CDH8: variants seen among roughly 807,000 people sequenced by gnomAD.
CDH8 encodes the protein cadherin-8.
A neutral mutation model predicts 68.1 loss-of-function variants in CDH8; 17 were observed. That is an observed-to-expected ratio of 0.25 (90% confidence interval 0.17 to 0.37). The LOEUF is 0.37. Among genes scored for constraint, CDH8 ranks in the 10% least tolerant of loss-of-function variants. CDH8 has a pLI of 1.00. For missense variants in CDH8, 763 were observed against 999.3 expected (o/e 0.76, Z 3.19); for synonymous variants, 372 against 365.1 (o/e 1.02, Z -0.21).
At chr16:61,657,877 C>T (rs953612491) in intron 10 of CDH8, among the ~76,000 whole-genome samples, 9 of 152,046 alleles carry the variant, frequency 5.9e-5, no homozygotes, top group Non-Finnish European at 1.0e-4. Context: ...ATCTTCTTTA[C>T]TACTGAGAAA....
intron 10 of CDH8, among the ~76,000 whole-genome samples, chr16:61,689,424 C>G (rs548494599): frequency 6.6e-6 from 1 of 151,882 alleles, no homozygotes; most frequent in Non-Finnish European, 1.5e-5. Context: ...AAACTCTACC[C>G]CAAACCCAAC....
At chr16:61,744,148 G>A (rs1015614624) in intron 8 of CDH8, among the ~76,000 whole-genome samples, 1 of 152,018 alleles carries the variant, frequency 6.6e-6, no homozygotes, top group African/African-American at 2.4e-5. Context: ...ACCTTTCAAT[G>A]AAATAAGCTT....
intron 3 of CDH8, among the ~76,000 whole-genome samples, chr16:61,863,952 T>C (rs1963203518): frequency 6.6e-6 from 1 of 152,284 alleles, no homozygotes. Flanking sequence ...TTTATTTTAA[T>C]AAAACTGAGC....
At chr16:61,941,968 C>G (rs1964732455) in intron 2 of CDH8, among the ~76,000 whole-genome samples, 1 of 152,116 alleles carries the variant, frequency 6.6e-6, no homozygotes, top group African/African-American at 2.4e-5. Context: ...ATGGCCATAC[C>G]ATCTACCCAA....
chr16:61,896,695 C>T (rs1963873985), intron 3 of CDH8, among the ~76,000 whole-genome samples: 4 of 152,162 alleles, frequency 2.6e-5, no homozygotes, highest in Admixed American at 2.6e-4. Flanking sequence ...TGTAGTCACA[C>T]AGACACCAGA....
At chr16:61,838,107 C>T (rs1396192407) in intron 4 of CDH8, among the ~76,000 whole-genome samples, 2 of 151,950 alleles carry the variant, frequency 1.3e-5, no homozygotes, top group African/African-American at 4.8e-5. Flanking sequence ...GATTAAGTGG[C>T]TTGTGCTTTT....
chr16:61,886,285 C>G (rs1457801668), intron 3 of CDH8, among the ~76,000 whole-genome samples: 3 of 151,898 alleles, frequency 2.0e-5, no homozygotes. Flanking sequence ...TTTTTAAGGC[C>G]CATATAATAA....
chr16:61,772,524 T>C (rs1960803203), intron 8 of CDH8, among the ~76,000 whole-genome samples: 1 of 151,936 alleles, frequency 6.6e-6, no homozygotes, highest in African/African-American at 2.4e-5. Context: ...ACAGAAAGGG[T>C]TAAAAACCGG....
At chr16:61,792,583 T>C (rs1028852142) in intron 7 of CDH8, among the ~76,000 whole-genome samples, 2 of 152,010 alleles carry the variant, frequency 1.3e-5, no homozygotes, top group African/African-American at 4.8e-5. Flanking sequence ...TGGTTTCTTA[T>C]ATAATGAATA....
chr16:61,717,270 A>G (rs1596894875), intron 9 of CDH8, among the ~76,000 whole-genome samples: 1 of 151,690 alleles, frequency 6.6e-6, no homozygotes, highest in East Asian at 1.9e-4. Context: ...TCTTTATTAG[A>G]GAAAACAAAG....
At chr16:61,868,558 C>T (rs759088097) in intron 3 of CDH8, among the ~76,000 whole-genome samples, 5 of 152,212 alleles carry the variant, frequency 3.3e-5, no homozygotes, top group East Asian at 3.9e-4. Context: ...TAGCTTCAAA[C>T]GGAGGCTAGT....
At chr16:61,862,664 T>C (rs575846299) in intron 3 of CDH8, among the ~76,000 whole-genome samples, 2 of 152,258 alleles carry the variant, frequency 1.3e-5, no homozygotes, top group East Asian at 1.9e-4. Flanking sequence ...TGTCAAGTGA[T>C]TGCCCATGGG....
Position 61,959,982 on chromosome 16 carries a change from G to GTATA in CDH8, c.253-58510_253-58509insTATA, listed in dbSNP as rs1434686241. 1.7e-3 allele frequency among the ~76,000 whole-genome samples: 53 copies of GTATA among 31,046 alleles called. 1 individual carries two copies. The highest frequency in any genetic ancestry group is 4.1e-3 in the African/African-American group (42 of 10,304). The allele number at this position is 31,046 out of a possible 152,430, so 20.4% of individuals were successfully genotyped here. ...CTGTATGTGGTGTATGTGTGTGTGT[G>GTATA]TGTATATATATATATATATATATAT... On this transcript the variant is annotated intron_variant, in intron 2 of 11. Coordinates refer to ENST00000577390, the MANE Select transcript of CDH8 (RefSeq NM_001796.5).
intron 2 of CDH8, among the ~76,000 whole-genome samples, chr16:61,938,861 G>T (rs1477791509): frequency 6.6e-6 from 1 of 152,194 alleles, no homozygotes; most frequent in Non-Finnish European, 1.5e-5. Flanking sequence ...AATTAACACA[G>T]TTCTCCATAA....
chr16:61,821,155 A>G (rs754549897), intron 5 of CDH8, 42 bp from the exon 6 acceptor site: 10 of 1,501,488 alleles, frequency 6.7e-6, no homozygotes, highest in South Asian at 1.2e-5. Flanking sequence ...ACAAATTCCA[A>G]CCATTCATTC....
chr16:61,794,725 G>C (rs997821511), intron 7 of CDH8, among the ~76,000 whole-genome samples: 1 of 151,954 alleles, frequency 6.6e-6, no homozygotes, highest in African/African-American at 2.4e-5. Context: ...AATAGGAACC[G>C]ATCTCTGCAT....
At chr16:61,997,267 A>G (rs1423330524) in intron 2 of CDH8, among the ~76,000 whole-genome samples, 3 of 152,142 alleles carry the variant, frequency 2.0e-5, no homozygotes, top group Non-Finnish European at 4.4e-5. Flanking sequence ...AAGATGTTCT[A>G]TTGAGAAAAG....
At chr16:61,740,994 C>T (rs537648364) in intron 8 of CDH8, among the ~76,000 whole-genome samples, 6 of 152,128 alleles carry the variant, frequency 3.9e-5, no homozygotes, top group Non-Finnish European at 8.8e-5. Context: ...TACCAACTTA[C>T]CCTCTGACCA....
chr16:61,797,440 T>C (rs1410129099), intron 7 of CDH8, among the ~76,000 whole-genome samples: 1 of 152,126 alleles, frequency 6.6e-6, no homozygotes, highest in Non-Finnish European at 1.5e-5. Context: ...AAAGTTATTC[T>C]GAACTGCATT....
Sources: allele counts gnomAD v4.1 joint callset (sites outside exome capture counted in the v4.1 genomes callset), GRCh38; gene constraint gnomAD v4.1.1; transcripts MANE v1.5; gene names NCBI Gene and HGNC (gene_info 2026-07-23, HGNC 2026-07-21).